The following PIAS1 variants were observed in gnomAD, a reference collection of about 807,000 sequenced individuals.
PIAS1 encodes the protein E3 SUMO-protein ligase PIAS1.
PIAS1 carries 6 observed loss-of-function variants against 71.3 expected under a neutral mutation model. The observed-to-expected ratio is 0.08, with a 90% confidence interval of 0.05 to 0.17. The LOEUF is 0.17. Among genes scored for constraint, PIAS1 ranks in the 10% least tolerant of loss-of-function variants. The probability of loss-of-function intolerance (pLI) is 1.00; values close to 1 mark genes in which losing one functional copy is unlikely to be tolerated. For missense variants in PIAS1, 555 were observed against 793.6 expected (o/e 0.70, Z 3.61); for synonymous variants, 303 against 292.9 (o/e 1.03, Z -0.35).
At chr15:68,145,653 A>G (rs1385844003) in intron 4 of PIAS1, among the ~76,000 whole-genome samples, 163 bp from the exon 5 acceptor site, 1 of 152,070 alleles carries the variant, frequency 6.6e-6, no homozygotes, top group African/African-American at 2.4e-5. Flanking sequence ...TTTATTTTAA[A>G]CCTATTTACA....
chr15:68,088,516 A>T (rs2092306576), intron 2 of PIAS1, among the ~76,000 whole-genome samples: 1 of 152,098 alleles, frequency 6.6e-6, no homozygotes, highest in African/African-American at 2.4e-5. Flanking sequence ...AAAGTCACCA[A>T]ATGAATAGGT....
At chr15:68,161,363 A>G (rs1279990912) in intron 7 of PIAS1, among the ~76,000 whole-genome samples, 1 of 152,220 alleles carries the variant, frequency 6.6e-6, no homozygotes, top group Non-Finnish European at 1.5e-5. Flanking sequence ...GTTGTATGTC[A>G]GTTCTCCAAA....
Position 68,178,827 on chromosome 15 carries a change from A to G in PIAS1, c.1481+2173A>G, listed in dbSNP as rs141615946. Among the ~76,000 whole-genome samples, 181 of 152,284 alleles carry G rather than the reference A, an allele frequency of 1.2e-3. 3 individuals carry two copies. The East Asian group carries it at 0.027, about 23-fold the overall frequency. Reference sequence around the variant, plus strand: ...CTTTAAAGAAAACATTTGAGTGTTTAGGAATCTAATATTTCTTCTTTGGAT... The same window carrying G: ...CTTTAAAGAAAACATTTGAGTGTTTGGGAATCTAATATTTCTTCTTTGGAT... On this transcript the variant is annotated intron_variant, in intron 11 of 13. Coordinates refer to ENST00000249636, the MANE Select transcript of PIAS1 (RefSeq NM_016166.3). The surrounding 1 kb of genome is among the most constrained non-coding windows in gnomAD (Gnocchi z 4.2).
At chr15:68,155,466 A>AAAAAAAAC (rs1567067561) in intron 7 of PIAS1, among the ~76,000 whole-genome samples, 10 of 145,574 alleles carry the variant, frequency 6.9e-5, no homozygotes, top group African/African-American at 9.9e-5. Context: ...AAAAAAAAAA[A>AAAAAAAAC]AAAAAACCAA....
At chr15:68,116,999 A>T (rs1029347721) in intron 2 of PIAS1, among the ~76,000 whole-genome samples, 1 of 152,190 alleles carries the variant, frequency 6.6e-6, no homozygotes, top group African/African-American at 2.4e-5. Context: ...AATTTGCATG[A>T]GGCCTTAAAC....
chr15:68,072,720 G>A (rs1008754243), intron 1 of PIAS1, among the ~76,000 whole-genome samples: 1 of 151,954 alleles, frequency 6.6e-6, no homozygotes, highest in African/African-American at 2.4e-5. Context: ...TGTCAATTTT[G>A]TATTCATAAA....
rs1238244680 is a variant in PIAS1 at position 68,141,954 on chromosome 15, A to C, written c.478A>C (p.Asn160His). Reference protein sequence around the residue: ...LIKPTSLASDNSQRFRETCFA... With the variant: ...LIKPTSLASDHSQRFRETCFA... ...ATTCTTGTCTTCTTTAGCATCAGAC[A>C]ACAGTCAGCGCTTTCGAGAAACCTG... The change falls in exon 3 of 14, where the codon AAC (asparagine) becomes CAC (histidine). Residue 160 changes from asparagine (N) to histidine (H), a missense_variant. Asn to His is a moderately conservative substitution (Grantham distance 68). Transcript: ENST00000249636. The C allele has an allele frequency of 6.3e-7, 1 of 1,599,950 alleles. No individual in the cohort carries two copies. Among genetic ancestry groups the C allele is most frequent in the Non-Finnish European group, 8.5e-7 (1 of 1,171,756 alleles).
chr15:68,153,914 A>G (rs1435645274), intron 7 of PIAS1: 7 of 326,278 alleles, frequency 2.1e-5, no homozygotes, highest in Non-Finnish European at 3.9e-5. Flanking sequence ...ACATGGAAGA[A>G]TATTATTCTA....
chr15:68,134,608 C>T lies in PIAS1; in HGVS notation c.470-7338C>T, dbSNP rs1376719950. On this transcript the variant is annotated intron_variant, in intron 2 of 13. Coordinates refer to ENST00000249636, the MANE Select transcript of PIAS1 (RefSeq NM_016166.3). ...CCACCCCCCAGACGGGGCGGCTGGCCGGGCGGGGGGCTAACCCCCCCCACC... is the reference window on the plus strand; with the variant it reads ...CCACCCCCCAGACGGGGCGGCTGGCTGGGCGGGGGGCTAACCCCCCCCACC... 2.8e-4 allele frequency among the ~76,000 whole-genome samples: 4 copies of T among 14,066 alleles called. 1 individual carries two copies. The highest frequency in any genetic ancestry group is 1.4e-3 in the Admixed American group (2 of 1,398). 9.2% of individuals were successfully genotyped at this position (14,066 alleles called of 152,430 possible).
intron 2 of PIAS1, among the ~76,000 whole-genome samples, chr15:68,103,805 T>C (rs1260407348): frequency 6.6e-6 from 1 of 152,266 alleles, no homozygotes. Flanking sequence ...AATGGCCAAG[T>C]AATATTCCGT....
chr15:68,161,848 T>C (rs964471297), intron 7 of PIAS1, among the ~76,000 whole-genome samples: 4 of 151,738 alleles, frequency 2.6e-5, no homozygotes, highest in African/African-American at 9.7e-5. Context: ...GAGAATCACT[T>C]GAACCTGGGA....
chr15:68,097,009 A>T lies in PIAS1; in HGVS notation c.469+10259A>T, dbSNP rs181308589. On this transcript the variant is annotated intron_variant, in intron 2 of 13. Transcript: ENST00000249636. ...GATCTTAGAGGAAAAGCTTTCAGTCATTCACCATTGAATGTGATGTTAGTG... is the reference window on the plus strand; with the variant it reads ...GATCTTAGAGGAAAAGCTTTCAGTCTTTCACCATTGAATGTGATGTTAGTG... Among the ~76,000 whole-genome samples the T allele has an allele frequency of 1.6e-4, 25 of 152,326 alleles. 1 individual carries two copies. In the East Asian group the frequency reaches 4.2e-3, roughly 26 times the overall value.
At chr15:68,124,642 A>G (rs1203147671) in intron 2 of PIAS1, among the ~76,000 whole-genome samples, 1 of 151,872 alleles carries the variant, frequency 6.6e-6, no homozygotes, top group East Asian at 1.9e-4. Context: ...AATCTCTTGA[A>G]CCGGGAGGCA....
In PIAS1 at chr15:68,128,775, A is replaced by C. The variant is rs561927241; in HGVS notation, c.470-13171A>C. ...ATTCCAACAAATGGACGCAGTATCCAAAATTAAGTCTTCATTGGAAGTGAG... is the reference window on the plus strand; with the variant it reads ...ATTCCAACAAATGGACGCAGTATCCCAAATTAAGTCTTCATTGGAAGTGAG... On this transcript the variant is annotated intron_variant, in intron 2 of 13. Transcript: ENST00000249636. 2.6e-5 allele frequency among the ~76,000 whole-genome samples: 4 copies of C among 152,324 alleles called. No individual in the cohort carries two copies. The South Asian group carries it at 8.3e-4, about 32-fold the overall frequency.
chr15:68,093,790 TA>T (rs2092352238), intron 2 of PIAS1, among the ~76,000 whole-genome samples: 1 of 152,214 alleles, frequency 6.6e-6, no homozygotes, highest in Admixed American at 6.5e-5. Flanking sequence ...ATAATGAGTA[TA>T]AAAATGAAAT....
intron 7 of PIAS1, among the ~76,000 whole-genome samples, chr15:68,163,426 CTTT>C (rs1381090509): frequency 6.6e-6 from 1 of 152,144 alleles, no homozygotes; most frequent in Non-Finnish European, 1.5e-5. Context: ...CATGAAATGA[CTTT>C]TTAGTCTGGC....
chr15:68,094,752 T>C (rs577072295), intron 2 of PIAS1, among the ~76,000 whole-genome samples: 1 of 152,316 alleles, frequency 6.6e-6, no homozygotes, highest in East Asian at 1.9e-4. Flanking sequence ...ACTGTGCTCC[T>C]CTATACTTGA....
At chr15:68,152,426 C>T (rs944557711) in intron 6 of PIAS1, among the ~76,000 whole-genome samples, 1 of 152,100 alleles carries the variant, frequency 6.6e-6, no homozygotes, top group Non-Finnish European at 1.5e-5. Context: ...AGTATATTTT[C>T]TGTCAAAAGA....
intron 2 of PIAS1, among the ~76,000 whole-genome samples, chr15:68,089,646 A>G (rs916330627): frequency 2.1e-5 from 3 of 145,746 alleles, no homozygotes; most frequent in African/African-American, 7.6e-5. Context: ...CCTCCGCCCC[A>G]CTGGGTTCAA....
Sources: allele counts gnomAD v4.1 joint callset (sites outside exome capture counted in the v4.1 genomes callset), GRCh38; gene constraint gnomAD v4.1.1; non-coding constraint Gnocchi (gnomAD v3.1); transcripts MANE v1.5; gene names NCBI Gene and HGNC (gene_info 2026-07-23, HGNC 2026-07-21).